The following TIMM23B variants were observed in gnomAD, a reference collection of about 807,000 sequenced individuals.
TIMM23B encodes the protein mitochondrial import inner membrane translocase subunit Tim23B.
Under a neutral mutation model 27.3 loss-of-function variants are expected in TIMM23B, and 27 were observed. The observed-to-expected ratio is 0.99, with a 90% CI of 0.73 to 1.36. The LOEUF (loss-of-function observed/expected upper bound fraction) is 1.36, where lower values mean the gene tolerates loss of function less well. Ranked by LOEUF, TIMM23B falls within the 40% of genes most tolerant of loss-of-function variation. The probability of loss-of-function intolerance (pLI) is 0.00; values close to 1 mark genes in which losing one functional copy is unlikely to be tolerated. For synonymous variants in TIMM23B, 73 were observed against 92.4 expected (o/e 0.79, Z 1.21); for missense variants, 205 against 244.2 (o/e 0.84, Z 1.07).
intron 5 of TIMM23B, among the ~76,000 whole-genome samples, chr10:49,955,627 A>G (rs1839690849): frequency 6.6e-6 from 1 of 152,228 alleles, no homozygotes; most frequent in Non-Finnish European, 1.5e-5. Flanking sequence ...TGAATGATTG[A>G]TCACTTACAA....
At chr10:49,950,107 A>G (rs1357908688) in intron 2 of TIMM23B, among the ~76,000 whole-genome samples, 2 of 152,090 alleles carry the variant, frequency 1.3e-5, no homozygotes, top group Non-Finnish European at 2.9e-5. Context: ...TTGTTAGCCC[A>G]GGTGAACATC....
intron 2 of TIMM23B, among the ~76,000 whole-genome samples, chr10:49,945,599 A>G (rs1401844544): frequency 5.3e-5 from 8 of 152,116 alleles, no homozygotes; most frequent in African/African-American, 1.4e-4. Context: ...CAGGCTCCCA[A>G]AGTGCTGGGA....
At chr10:49,962,434 C>T (rs1839952108) in intron 6 of TIMM23B, among the ~76,000 whole-genome samples, 2 of 152,134 alleles carry the variant, frequency 1.3e-5, no homozygotes, top group Admixed American at 1.3e-4. Flanking sequence ...ATCCCCTGAC[C>T]TCATGATCCG....
intron 1 of TIMM23B, among the ~76,000 whole-genome samples, chr10:49,942,923 C>G (rs1367141632): frequency 2.0e-5 from 3 of 152,144 alleles, no homozygotes; most frequent in African/African-American, 7.2e-5. Flanking sequence ...TCTCCTCGGT[C>G]TTGTGAATAT....
chr10:49,967,068 T>C (rs2805285), intron 6 of TIMM23B, among the ~76,000 whole-genome samples: 3 of 152,230 alleles, frequency 2.0e-5, no homozygotes, highest in South Asian at 2.1e-4. Context: ...TACAGGCACA[T>C]GCCACCATGC....
intron 6 of TIMM23B, among the ~76,000 whole-genome samples, chr10:49,967,578 A>G (rs1840219725): frequency 6.6e-6 from 1 of 150,814 alleles, no homozygotes; most frequent in East Asian, 2.0e-4. Context: ...TTGCAATGGA[A>G]ATTGAAATCT....
At chr10:49,968,451 T>C (rs1840265946) in intron 6 of TIMM23B, among the ~76,000 whole-genome samples, 2 of 152,210 alleles carry the variant, frequency 1.3e-5, no homozygotes, top group African/African-American at 4.8e-5. Context: ...GCGAATCAAG[T>C]GTCTGATGCA....
chr10:49,957,189 A>G (rs1434430660), intron 5 of TIMM23B, among the ~76,000 whole-genome samples: 5 of 151,772 alleles, frequency 3.3e-5, no homozygotes, highest in Admixed American at 3.3e-4. Context: ...GGTTTGATTA[A>G]TTTATTGGAT....
At chr10:49,956,336 A>C (rs1311822250) in intron 5 of TIMM23B, among the ~76,000 whole-genome samples, 1 of 151,794 alleles carries the variant, frequency 6.6e-6, no homozygotes, top group Non-Finnish European at 1.5e-5. Context: ...TTGGGGGAAG[A>C]TACTTTAAAA....
At chr10:49,968,526 A>G (rs1317730946) in intron 6 of TIMM23B, among the ~76,000 whole-genome samples, 2 of 152,254 alleles carry the variant, frequency 1.3e-5, no homozygotes, top group Non-Finnish European at 2.9e-5. Flanking sequence ...TGTGTAGTTA[A>G]TTAAGCTATT....
At chr10:49,949,392 A>G in intron 2 of TIMM23B, among the ~76,000 whole-genome samples, 1 of 152,066 alleles carries the variant, frequency 6.6e-6, no homozygotes, top group Non-Finnish European at 1.5e-5. Flanking sequence ...ATATTTTAAC[A>G]TTGGGTGTTC....
intron 2 of TIMM23B, among the ~76,000 whole-genome samples, chr10:49,947,641 A>T (rs1310994716): frequency 2.6e-5 from 4 of 151,872 alleles, no homozygotes; most frequent in Non-Finnish European, 5.9e-5. Context: ...TAAAGAATGG[A>T]AAAAGTCCTG....
rs1442816002 is a variant in TIMM23B at position 49,973,789 on chromosome 10, GA to G, written c.*727del. The stretch of plus-strand genomic sequence containing the variant: ...ATGTGTTGATGATTATACCTTCTCA[GA>G]ATGAAGGTAATTTTTTTTTTTTCTT... On this transcript the variant is annotated 3_prime_UTR_variant, in exon 7 of 7. Transcript: ENST00000651259. 1 of 151,632 alleles carries G rather than the reference GA, an allele frequency of 6.6e-6. No homozygotes were observed. Among genetic ancestry groups the G allele is most frequent in the Non-Finnish European group, 1.5e-5 (1 of 68,094 alleles). 9.4% of individuals were successfully genotyped at this position (151,632 alleles called of 1,614,324 possible). A position where few individuals can be genotyped will look rare whatever the true frequency, so the allele number is the denominator to read the frequency against.
intron 6 of TIMM23B, among the ~76,000 whole-genome samples, chr10:49,968,542 C>G (rs1314047555): frequency 4.6e-5 from 7 of 152,200 alleles, no homozygotes; most frequent in Non-Finnish European, 8.8e-5. Flanking sequence ...CTATTTAAAA[C>G]AGAAATGTTA....
At chr10:49,942,853 T>A (rs1456608783) in intron 1 of TIMM23B, among the ~76,000 whole-genome samples, 1 of 152,124 alleles carries the variant, frequency 6.6e-6, no homozygotes, top group Non-Finnish European at 1.5e-5. Flanking sequence ...AGGTAAGAAT[T>A]ATAGGAAAGG....
At chr10:49,950,545 T>A (rs1839493772) in intron 2 of TIMM23B, among the ~76,000 whole-genome samples, 1 of 150,208 alleles carries the variant, frequency 6.7e-6, no homozygotes, top group Admixed American at 6.6e-5. Flanking sequence ...AGTTTTCTTT[T>A]CTTTTTTTTT....
At chr10:49,969,705 A>G (rs1410329972) in intron 6 of TIMM23B, among the ~76,000 whole-genome samples, 1 of 152,078 alleles carries the variant, frequency 6.6e-6, no homozygotes, top group Non-Finnish European at 1.5e-5. Flanking sequence ...AATGTGGTAT[A>G]TACATAGAAT....
chr10:49,942,984 T>C (rs1839201412), intron 1 of TIMM23B, among the ~76,000 whole-genome samples: 1 of 152,200 alleles, frequency 6.6e-6, no homozygotes, highest in Non-Finnish European at 1.5e-5. Context: ...ACTAGATAAA[T>C]AGAACTTGGA....
At chr10:49,957,174 CT>C (rs1322108319) in intron 5 of TIMM23B, among the ~76,000 whole-genome samples, 2 of 151,840 alleles carry the variant, frequency 1.3e-5, no homozygotes, top group Non-Finnish European at 2.9e-5. Flanking sequence ...ACAACCCCCT[CT>C]TTGGGTTTGA....
Sources: gnomAD v4.1 joint callset for allele counts (sites outside exome capture counted in the v4.1 genomes callset) on GRCh38, gnomAD v4.1.1 for gene constraint, MANE v1.5 for transcripts, NCBI Gene and HGNC (gene_info 2026-07-23, HGNC 2026-07-21) for gene names.